Variants in ZMYM4 observed in about 807,000 individuals in gnomAD.
ZMYM4 encodes the protein zinc finger MYM-type containing 4.
A neutral mutation model predicts 183.2 loss-of-function variants in ZMYM4; 31 were observed. The ratio of observed to expected loss-of-function variants is 0.17; its 90% CI spans 0.13 to 0.23. The LOEUF (loss-of-function observed/expected upper bound fraction) is 0.23, where lower values mean the gene tolerates loss of function less well. Ranked by LOEUF, ZMYM4 falls within the 10% of genes least tolerant of loss-of-function variation. The probability of loss-of-function intolerance (pLI) is 1.00; values close to 1 mark genes in which losing one functional copy is unlikely to be tolerated. For synonymous variants in ZMYM4, 592 were observed against 631.2 expected (o/e 0.94, Z 0.93); for missense variants, 1,273 against 1,840.3 (o/e 0.69, Z 5.64).
At chr1:35,284,522 G>T (rs1352068322) in intron 1 of ZMYM4, among the ~76,000 whole-genome samples, 3 of 152,170 alleles carry the variant, frequency 2.0e-5, no homozygotes, top group Non-Finnish European at 4.4e-5. Context: ...AGGTTTCATA[G>T]CACCTTTTGT....
chr1:35,293,115 C>CT (rs1640842385), intron 1 of ZMYM4, among the ~76,000 whole-genome samples: 1 of 151,978 alleles, frequency 6.6e-6, no homozygotes, highest in South Asian at 2.1e-4. Flanking sequence ...ACCCTCCCAC[C>CT]TCAGCCTCCT....
chr1:35,284,305 T>A (rs1419214070), intron 1 of ZMYM4, among the ~76,000 whole-genome samples: 1 of 152,186 alleles, frequency 6.6e-6, no homozygotes, highest in African/African-American at 2.4e-5. Context: ...GAAATCCAAT[T>A]TGTGTTTTTC....
rs758032751 is a variant in ZMYM4, at chr1:35,386,105, C to T, written c.1752C>T (p.Thr584=). Residue 584 remains threonine (T), a synonymous_variant, in exon 11 of 30, where the codon ACC becomes ACT. Coordinates refer to ENST00000314607, the MANE Select transcript of ZMYM4 (RefSeq NM_005095.3). ...GVQVQCNSCK[T]SAIPQYHLAM... is the part of the protein sequence containing the mutation. ...AAGTTCAGTGTAACAGTTGTAAAAC[C>T]TCAGCAATTCCTCAGTATCACCTAG... 6.2e-7 allele frequency: 1 copy of T among 1,613,540 alleles called. No homozygotes were observed. The highest frequency in any genetic ancestry group is 1.7e-5 in the Admixed American group (1 of 59,938).
intron 1 of ZMYM4, among the ~76,000 whole-genome samples, chr1:35,274,072 T>TTAATTCCTTAA (rs1217686780): frequency 6.6e-6 from 1 of 152,252 alleles, no homozygotes; most frequent in African/African-American, 2.4e-5. Flanking sequence ...TTGATCCCTC[T>TTAATTCCTTAA]TAATTCCTTA....
chr1:35,346,682 G>C (rs1362763761), intron 2 of ZMYM4, among the ~76,000 whole-genome samples: 6 of 134,880 alleles, frequency 4.4e-5, no homozygotes, highest in Non-Finnish European at 9.7e-5. Context: ...AAAAAAAAAA[G>C]AGAAAGAAAT....
rs746427450 is a variant in ZMYM4 at position 35,398,433 on chromosome 1, G to C, written c.3220G>C (p.Glu1074Gln). ...SQGESQTSEH[E>Q]LFLDTKIFEK... ...TTTAGAGTCCCAAACTTCTGAACAC[G>C]AACTCTTTCTAGACACCAAGATATT... The change falls in exon 21 of 30, where the codon GAA (glutamate) becomes CAA (glutamine). Residue 1074 changes from glutamate to glutamine, a missense_variant. Around this residue, in one of 6 missense-constraint regions of ZMYM4, gnomAD observed 290 missense variants for 353.3 expected, o/e 0.82. Transcript: ENST00000314607. 3.7e-6 allele frequency: 6 copies of C among 1,609,744 alleles called. No homozygotes were observed. Among genetic ancestry groups the C allele is most frequent in the Non-Finnish European group, 5.1e-6 (6 of 1,178,440 alleles).
At chr1:35,314,337 T>C (rs1317378820) in intron 1 of ZMYM4, among the ~76,000 whole-genome samples, 1 of 152,006 alleles carries the variant, frequency 6.6e-6, no homozygotes, top group African/African-American at 2.4e-5. Flanking sequence ...CAGGCTGGAG[T>C]GCAGTGGCAC....
Position 35,302,200 on chromosome 1 carries a change from CTTTTTTTTT to C in ZMYM4, c.40-23143_40-23135del, listed in dbSNP as rs576277396. ...ATCCACAAGCTAAAAACGGCTCTTG[CTTTTTTTTT>C]TTTTTTTTTTTTTTTTGTGACAGGG... On this transcript the variant is annotated intron_variant, in intron 1 of 29. Transcript: ENST00000314607. Among the ~76,000 whole-genome samples the C allele has an allele frequency of 4.0e-3, 235 of 58,566 alleles. 1 individual carries two copies. The highest frequency in any genetic ancestry group is 6.6e-3 in the Non-Finnish European group (208 of 31,498). The allele number at this position is 58,566 out of a possible 152,430, so 38.4% of individuals were successfully genotyped here.
chr1:35,288,617 T>G (rs1181849899), intron 1 of ZMYM4, among the ~76,000 whole-genome samples: 1 of 152,142 alleles, frequency 6.6e-6, no homozygotes, highest in South Asian at 2.1e-4. Flanking sequence ...ATTAAAAACT[T>G]AGTATAATAG....
chr1:35,414,922 C>T (rs1271618290), intron 27 of ZMYM4, among the ~76,000 whole-genome samples: 4 of 151,920 alleles, frequency 2.6e-5, no homozygotes, highest in African/African-American at 4.8e-5. Flanking sequence ...GTGGTGGTGC[C>T]TTGTAGTCCC....
chr1:35,402,623 A>G (rs1003853904), intron 23 of ZMYM4, among the ~76,000 whole-genome samples: 7 of 152,156 alleles, frequency 4.6e-5, no homozygotes, highest in Non-Finnish European at 8.8e-5. Flanking sequence ...TGTCTCAAAA[A>G]AAAAGAAAAA....
rs912817239 is a variant in ZMYM4, at chr1:35,380,318, A to G, written c.1182-941A>G. ...TTTTTATTATTTATTTATTTATTTT[A>G]TTTATTTATTTATTTATTTATTTTT... On this transcript the variant is annotated intron_variant, in intron 7 of 29. Coordinates refer to ENST00000314607, the MANE Select transcript of ZMYM4 (RefSeq NM_005095.3). Among the ~76,000 whole-genome samples, 9 of 150,564 alleles carry G rather than the reference A, an allele frequency of 6.0e-5. 1 individual carries two copies. In the South Asian group the frequency reaches 1.9e-3, roughly 31 times the overall value.
intron 20 of ZMYM4, 101 bp downstream of exon 20, chr1:35,397,646 TTTA>T: frequency 9.6e-7 from 1 of 1,039,572 alleles, no homozygotes; most frequent in African/African-American, 1.6e-5. Flanking sequence ...TTCTAAAACC[TTTA>T]TTGTCTGTGA....
At chr1:35,374,223 G>T (rs1161113283) in intron 7 of ZMYM4, among the ~76,000 whole-genome samples, 1 of 151,010 alleles carries the variant, frequency 6.6e-6, no homozygotes, top group East Asian at 2.0e-4. Context: ...TAGTAGAGAT[G>T]GGGTTTCTCC....
At chr1:35,388,787 C>A (rs999999013) in intron 13 of ZMYM4, 123 bp from the exon 14 acceptor site, 3 of 849,590 alleles carry the variant, frequency 3.5e-6, no homozygotes. Flanking sequence ...CTCCTCCCGC[C>A]AGCCTCCCAA....
rs1644180832 is a variant in ZMYM4 at position 35,370,402 on chromosome 1, C to T, written c.956C>T (p.Ser319Leu). 1 of 1,498,222 alleles carries T rather than the reference C, an allele frequency of 6.7e-7. No individual in the cohort carries two copies. The highest frequency in any genetic ancestry group is 1.6e-5 in the African/African-American group (1 of 63,676). The allele number at this position is 1,498,222 out of a possible 1,614,324, so 92.8% of individuals were successfully genotyped here. ...CAGTTGACTACTGGCTTTCAGCCCT[C>T]ACTGGCGTCATCTGGCATGAATAAA... is the stretch of plus-strand genomic sequence containing the variant. The part of the protein sequence containing the change: ...APQLTTGFQP[S>L]LASSGMNKML... Residue 319 changes from serine to leucine, a missense_variant, in exon 7 of 30, where the codon TCA becomes TTA. By Grantham distance (145) the Ser-to-Leu change is moderately radical (BLOSUM62 -2). Around this residue, in one of 6 missense-constraint regions of ZMYM4, gnomAD observed 384 missense variants for 465.6 expected, o/e 0.82. Transcript: ENST00000314607.
In ZMYM4 at chr1:35,389,091, A is replaced by AATTCAC. The variant is rs1305349978; in HGVS notation, c.2436+14_2436+19dup. On this transcript the variant is annotated intron_variant, in intron 14 of 29. Coordinates refer to ENST00000314607, the MANE Select transcript of ZMYM4 (RefSeq NM_005095.3). This position sits in a 1 kb window ranked among gnomAD's most constrained non-coding sequence, Gnocchi z 4.0. ...CAGTTTTGTTCTATCAGGTAAATAG[A>AATTCAC]ATTCACATTCCTGGGTTTTTCATTC... 1 of 1,601,648 alleles carries AATTCAC rather than the reference A, an allele frequency of 6.2e-7. No individual in the cohort carries two copies.
chr1:35,278,148 C>A (rs1478470112), intron 1 of ZMYM4, among the ~76,000 whole-genome samples: 1 of 152,070 alleles, frequency 6.6e-6, no homozygotes, highest in Non-Finnish European at 1.5e-5. Flanking sequence ...TTGCCTTCAT[C>A]TTCCCTTGGT....
At chr1:35,388,606 A>G (rs1570501415) in intron 13 of ZMYM4, among the ~76,000 whole-genome samples, 1 of 152,228 alleles carries the variant, frequency 6.6e-6, no homozygotes, top group African/African-American at 2.4e-5. Flanking sequence ...AAGCAAAACA[A>G]AAACTAGTAT....
Sources: gnomAD v4.1 joint callset for allele counts (sites outside exome capture counted in the v4.1 genomes callset) on GRCh38, gnomAD v4.1.1 for gene constraint, gnomAD v4.1.1 regional missense constraint, Gnocchi (gnomAD v3.1) non-coding constraint, MANE v1.5 for transcripts, NCBI Gene and HGNC (gene_info 2026-07-23, HGNC 2026-07-21) for gene names.